Variants in FTO observed in about 807,000 individuals in gnomAD.
FTO encodes the protein FTO alpha-ketoglutarate dependent dioxygenase, also known as alpha-ketoglutarate-dependent dioxygenase FTO.
A neutral mutation model predicts 63.9 loss-of-function variants in FTO; 47 were observed. The observed-to-expected ratio is 0.74, with a 90% CI of 0.58 to 0.94. The LOEUF (loss-of-function observed/expected upper bound fraction) is 0.94. FTO is among the 40% of genes least tolerant of loss of function. The pLI, the probability that FTO is intolerant of heterozygous loss-of-function variation, is 0.00. For synonymous variants in FTO, 207 were observed against 224.4 expected (o/e 0.92, Z 0.69); for missense variants, 562 against 618.1 (o/e 0.91, Z 0.96).
chr16:53,727,682 T>G (rs1030738615), intron 1 of FTO, among the ~76,000 whole-genome samples: 1 of 152,218 alleles, frequency 6.6e-6, no homozygotes, highest in Non-Finnish European at 1.5e-5. Context: ...TCTAACATTG[T>G]GCAGTGGATG....
At chr16:53,738,899 G>C (rs2076456471) in intron 1 of FTO, among the ~76,000 whole-genome samples, 1 of 152,036 alleles carries the variant, frequency 6.6e-6, no homozygotes, top group Admixed American at 6.5e-5. Context: ...GGAGTGCAGT[G>C]GCAAGATCAT....
chr16:53,778,292 T>C (rs1387963016), intron 1 of FTO, among the ~76,000 whole-genome samples: 2 of 152,228 alleles, frequency 1.3e-5, no homozygotes, highest in Non-Finnish European at 1.5e-5. Flanking sequence ...TGTGAGGTGA[T>C]GGATAAGTTA....
At chr16:53,925,735 C>A (rs181441227) in intron 7 of FTO, among the ~76,000 whole-genome samples, 126 of 152,280 alleles carry the variant, frequency 8.3e-4, no homozygotes, top group Admixed American at 1.3e-3. Flanking sequence ...GAAAACCCTA[C>A]ATGCAACAAA....
intron 8 of FTO, among the ~76,000 whole-genome samples, chr16:54,097,729 C>T (rs1350137169): frequency 7.9e-5 from 12 of 152,124 alleles, no homozygotes; most frequent in African/African-American, 2.9e-4. Context: ...AGCTCATGTG[C>T]GTGTGCACAC....
At chr16:53,787,156 C>CAAAAA (rs2077770056) in intron 1 of FTO, among the ~76,000 whole-genome samples, 1 of 133,162 alleles carries the variant, frequency 7.5e-6, no homozygotes, top group African/African-American at 3.3e-5. Flanking sequence ...AAAGAAACAC[C>CAAAAA]ATCCTTGTAA....
intron 8 of FTO, among the ~76,000 whole-genome samples, chr16:54,014,309 G>C (rs1397538667): frequency 6.6e-6 from 1 of 152,142 alleles, no homozygotes. Context: ...TGGACAACTT[G>C]GTTCTGTCCT....
intron 8 of FTO, among the ~76,000 whole-genome samples, chr16:53,967,117 A>G (rs2083213945): frequency 6.6e-6 from 1 of 152,104 alleles, no homozygotes; most frequent in South Asian, 2.1e-4. Context: ...GGATTCTGGG[A>G]AAAGGTTTTT....
intron 7 of FTO, among the ~76,000 whole-genome samples, chr16:53,911,056 T>C (rs1481381077): frequency 6.6e-6 from 1 of 152,134 alleles, no homozygotes. Flanking sequence ...AAATACCAGT[T>C]TGGAACTTGG....
At chr16:53,922,735 C>T (rs1331042653) in intron 7 of FTO, among the ~76,000 whole-genome samples, 1 of 152,200 alleles carries the variant, frequency 6.6e-6, no homozygotes, top group South Asian at 2.1e-4. Flanking sequence ...GCACCTTTCT[C>T]TTGTGCCTGG....
Position 53,704,404 on chromosome 16 carries a change from C to T in FTO, c.45+175C>T, listed in dbSNP as rs138656968. On this transcript the variant is annotated intron_variant, in intron 1 of 8. Coordinates refer to ENST00000471389, the MANE Select transcript of FTO (RefSeq NM_001080432.3). ...GGGGATGTTACAAATTCGTGCTCTT[C>T]AGGATGCAGGCCGAGTCTTGTTGGA... 7.9e-4 allele frequency among the ~76,000 whole-genome samples: 120 copies of T among 152,334 alleles called. 1 individual carries two copies. The Middle Eastern group carries it at 0.01, about 13-fold the overall frequency.
chr16:53,908,021 A>C (rs1326199790), intron 7 of FTO, among the ~76,000 whole-genome samples: 1 of 152,236 alleles, frequency 6.6e-6, no homozygotes, highest in Non-Finnish European at 1.5e-5. Context: ...TGCTAGAGAC[A>C]TTAAAGTTGC....
chr16:53,990,421 C>A (rs1403269255), intron 8 of FTO, among the ~76,000 whole-genome samples: 1 of 152,118 alleles, frequency 6.6e-6, no homozygotes, highest in Non-Finnish European at 1.5e-5. Flanking sequence ...GAGACCCAGG[C>A]TCCTGCCTTG....
Position 54,118,361 on chromosome 16 carries a change from T to G in FTO, c.*6446T>G, listed in dbSNP as rs2086985910. On this transcript the variant is annotated 3_prime_UTR_variant, in exon 9 of 9. Coordinates refer to ENST00000471389, the MANE Select transcript of FTO (RefSeq NM_001080432.3). The stretch of plus-strand genomic sequence containing the variant: ...AAGCTCTTTCACACAGTCTTTTTTT[T>G]TTTTCTTTTTTTTTTTCAGACAGGG... The G allele has an allele frequency of 3.9e-5, 5 of 127,054 alleles. No homozygotes were observed. In the Admixed American group the frequency reaches 4.0e-4, roughly 10 times the overall value. The allele number at this position is 127,054 out of a possible 1,614,324, so 7.9% of individuals were successfully genotyped here.
chr16:53,957,306 T>C (rs2082953549), intron 8 of FTO, among the ~76,000 whole-genome samples: 3 of 152,240 alleles, frequency 2.0e-5, no homozygotes, highest in Non-Finnish European at 4.4e-5. Flanking sequence ...GAACTCTCTT[T>C]GCAACGCACT....
At chr16:53,787,781 A>G (rs1485225904) in intron 1 of FTO, among the ~76,000 whole-genome samples, 1 of 152,192 alleles carries the variant, frequency 6.6e-6, no homozygotes, top group East Asian at 1.9e-4. Context: ...TCAAGCCAAT[A>G]AATATATGAG....
chr16:53,893,993 A>G (rs914852377), intron 7 of FTO, among the ~76,000 whole-genome samples: 5 of 152,240 alleles, frequency 3.3e-5, no homozygotes, highest in African/African-American at 9.6e-5. Context: ...AACACAACAT[A>G]TAATTATGTT....
intron 4 of FTO, among the ~76,000 whole-genome samples, chr16:53,869,855 C>T (rs2080445453): frequency 1.3e-5 from 2 of 152,106 alleles, no homozygotes; most frequent in African/African-American, 2.4e-5. Context: ...CCATTTCTGA[C>T]TCTGGGTCTG....
At chr16:53,746,077 A>C (rs537351453) in intron 1 of FTO, among the ~76,000 whole-genome samples, 46 of 152,010 alleles carry the variant, frequency 3.0e-4, no homozygotes, top group African/African-American at 1.1e-3. Flanking sequence ...TCTCTATGCA[A>C]CTCCTAAGTT....
intron 1 of FTO, among the ~76,000 whole-genome samples, chr16:53,743,465 C>T (rs1457473467): frequency 6.6e-6 from 1 of 151,218 alleles, no homozygotes; most frequent in Non-Finnish European, 1.5e-5. Flanking sequence ...TGTGCTCATA[C>T]GCTGATGTTT....
Sources: allele counts gnomAD v4.1 joint callset (sites outside exome capture counted in the v4.1 genomes callset), GRCh38; gene constraint gnomAD v4.1.1; transcripts MANE v1.5; gene names NCBI Gene and HGNC (gene_info 2026-07-23, HGNC 2026-07-21).